Variants in AEBP2 observed in about 807,000 individuals in gnomAD.
AEBP2 encodes the protein AE binding protein 2, also known as zinc finger protein AEBP2.
AEBP2 carries 10 observed loss-of-function variants against 50.8 expected under a neutral mutation model. The observed-to-expected ratio is 0.20, with a 90% CI of 0.12 to 0.33. The LOEUF (loss-of-function observed/expected upper bound fraction) is 0.33. AEBP2 is among the 10% of genes least tolerant of loss of function. The pLI is 1.00. For missense variants in AEBP2, 570 were observed against 688.0 expected (o/e 0.83, Z 1.92); for synonymous variants, 296 against 261.3 (o/e 1.13, Z -1.28).
At chr12:19,501,440 G>A (rs540770701) in intron 5 of AEBP2, among the ~76,000 whole-genome samples, 1 of 151,888 alleles carries the variant, frequency 6.6e-6, no homozygotes, top group South Asian at 2.1e-4. Flanking sequence ...TTCAATACCA[G>A]CCTGGATAAT....
At position 19,520,730 on chromosome 12, in the gene AEBP2, G is replaced by A. The variant is rs1184546538; in HGVS notation, c.*2613G>A. ...ATGCCTGCTTTCTCCTGCAGTGGCA[G>A]AATTGAGTGGTGAGACCTTAGGTCC... On this transcript the variant is annotated 3_prime_UTR_variant, in exon 8 of 8. Coordinates refer to ENST00000266508, the MANE Select transcript of AEBP2 (RefSeq NM_153207.5). The A allele has an allele frequency of 6.6e-6, 1 of 152,130 alleles. No homozygotes were observed. Among genetic ancestry groups the A allele is most frequent in the Non-Finnish European group, 1.5e-5 (1 of 68,018 alleles). The allele number at this position is 152,130 out of a possible 1,614,324, so 9.4% of individuals were successfully genotyped here.
Position 19,473,810 on chromosome 12 carries a change from G to C in AEBP2, c.987+455G>C, listed in dbSNP as rs540607081. 5.3e-5 allele frequency among the ~76,000 whole-genome samples: 8 copies of C among 152,172 alleles called. No individual in the cohort carries two copies. The South Asian group carries it at 1.7e-3, about 32-fold the overall frequency. ...AACAACCATTTGTTTTAACATTCTT[G>C]TACACGCATTGAATTTCAAAAGTAG... On this transcript the variant is annotated intron_variant, in intron 3 of 7. Coordinates refer to ENST00000266508, the MANE Select transcript of AEBP2 (RefSeq NM_153207.5).
At chr12:19,471,736 G>T (rs1948576548) in intron 2 of AEBP2, among the ~76,000 whole-genome samples, 1 of 152,026 alleles carries the variant, frequency 6.6e-6, no homozygotes, top group South Asian at 2.1e-4. Context: ...TTGCTGTGTT[G>T]CCCAGGCTGG....
intron 5 of AEBP2, chr12:19,509,332 A>G (rs1471843440): frequency 5.0e-6 from 1 of 200,504 alleles, no homozygotes; most frequent in Non-Finnish European, 1.0e-5. Context: ...TTGGTTGGCT[A>G]AGCTAAGCCA....
intron 3 of AEBP2, among the ~76,000 whole-genome samples, chr12:19,475,000 C>T (rs1453032069): frequency 1.3e-5 from 2 of 152,144 alleles, no homozygotes; most frequent in Non-Finnish European, 2.9e-5. Context: ...ACCATGTTGG[C>T]CAGGCTGGTC....
At chr12:19,453,055 G>A (rs1218136894) in intron 1 of AEBP2, among the ~76,000 whole-genome samples, 5 of 137,772 alleles carry the variant, frequency 3.6e-5, no homozygotes, top group Admixed American at 8.3e-5. Context: ...TGCAAGCTCC[G>A]CCTCCCAGGT....
intron 1 of AEBP2, among the ~76,000 whole-genome samples, chr12:19,429,081 C>G (rs1398857750): frequency 6.6e-6 from 1 of 152,118 alleles, no homozygotes; most frequent in Non-Finnish European, 1.5e-5. Context: ...CATCTATTAA[C>G]TCGTCATTTA....
chr12:19,517,831 TG>T (rs1457917906), intron 7 of AEBP2, among the ~76,000 whole-genome samples: 1 of 152,254 alleles, frequency 6.6e-6, no homozygotes, highest in African/African-American at 2.4e-5. Flanking sequence ...AAGTATTAGT[TG>T]GCTAAAATAT....
rs754195220 is a variant in AEBP2, at chr12:19,501,797, G to GTTTTTTTTTTTTTTTTT, written c.1299+1580_1299+1596dup. On this transcript the variant is annotated intron_variant, in intron 5 of 7. Coordinates refer to ENST00000266508, the MANE Select transcript of AEBP2 (RefSeq NM_153207.5). ...CGTCGTCTCCTATAAAAATGAGTTT[G>GTTTTTTTTTTTTTTTTT]TTTTTTTTTTTTTTTTTTTTGCATT... Among the ~76,000 whole-genome samples, 41 of 70,868 alleles carry GTTTTTTTTTTTTTTTTT rather than the reference G, an allele frequency of 5.8e-4. 2 individuals are homozygous for GTTTTTTTTTTTTTTTTT. Among genetic ancestry groups the GTTTTTTTTTTTTTTTTT allele is most frequent in the Non-Finnish European group, 7.5e-4 (28 of 37,164 alleles). 46.5% of individuals were successfully genotyped at this position (70,868 alleles called of 152,430 possible).
At chr12:19,487,134 T>C (rs911531568) in intron 3 of AEBP2, among the ~76,000 whole-genome samples, 1 of 152,172 alleles carries the variant, frequency 6.6e-6, no homozygotes, top group African/African-American at 2.4e-5. Flanking sequence ...TCTTTTATTA[T>C]TGAGTTAATA....
Position 19,518,602 on chromosome 12 carries a change from AT to A in AEBP2, c.*487del, listed in dbSNP as rs1349794242. 1 of 1,400,428 alleles carries A rather than the reference AT, an allele frequency of 7.1e-7. No individual in the cohort carries two copies. Among genetic ancestry groups the A allele is most frequent in the Non-Finnish European group, 9.5e-7 (1 of 1,053,352 alleles). 86.8% of individuals were successfully genotyped at this position (1,400,428 alleles called of 1,614,324 possible). On this transcript the variant is annotated 3_prime_UTR_variant, in exon 8 of 8. Coordinates refer to ENST00000266508, the MANE Select transcript of AEBP2 (RefSeq NM_153207.5). Reference sequence around the variant, plus strand: ...ATTAGGAAATATTTAGACAATGAAAATTATCAAGAGATAATTTACCTTTCAA... The same window carrying A: ...ATTAGGAAATATTTAGACAATGAAAATATCAAGAGATAATTTACCTTTCAA...
intron 1 of AEBP2, among the ~76,000 whole-genome samples, chr12:19,441,676 C>T (rs1455184429): frequency 6.6e-6 from 1 of 152,076 alleles, no homozygotes; most frequent in African/African-American, 2.4e-5. Flanking sequence ...AAAATATCTT[C>T]GGGTAAAGTA....
intron 1 of AEBP2, among the ~76,000 whole-genome samples, chr12:19,454,370 C>A (rs542905212): frequency 1.1e-4 from 17 of 152,266 alleles, no homozygotes; most frequent in Admixed American, 3.3e-4. Context: ...CACACACACA[C>A]ACTTGGCTAG....
chr12:19,426,547 G>T (rs2095748647), intron 1 of AEBP2, among the ~76,000 whole-genome samples: 1 of 152,180 alleles, frequency 6.6e-6, no homozygotes, highest in Admixed American at 6.6e-5. Flanking sequence ...AAGAAGAGAG[G>T]TGTGATGGTT....
intron 1 of AEBP2, among the ~76,000 whole-genome samples, chr12:19,429,116 A>G (rs1555179951): frequency 6.6e-6 from 1 of 152,102 alleles, no homozygotes; most frequent in Non-Finnish European, 1.5e-5. Flanking sequence ...TCCGAATGCT[A>G]TCCCTCCCCA....
chr12:19,467,507 T>C (rs11044578), intron 2 of AEBP2, among the ~76,000 whole-genome samples: 3,230 of 151,970 alleles, frequency 0.021, 42 homozygotes, highest in East Asian at 0.043. Flanking sequence ...TTGGCCCGCC[T>C]AGTCTCGAAC....
chr12:19,486,182 A>G (rs1348300431), intron 3 of AEBP2, among the ~76,000 whole-genome samples: 2 of 151,934 alleles, frequency 1.3e-5, no homozygotes, highest in South Asian at 2.1e-4. Context: ...AATTTCTTTC[A>G]TACTTACTTT....
intron 3 of AEBP2, among the ~76,000 whole-genome samples, chr12:19,484,779 G>C (rs929244973): frequency 6.6e-6 from 1 of 151,604 alleles, no homozygotes; most frequent in Non-Finnish European, 1.5e-5. Context: ...TTTTAAGTAA[G>C]TGGTCTCTGA....
chr12:19,517,956 G>A, intron 7 of AEBP2, 131 bp from the exon 8 acceptor site: 1 of 844,334 alleles, frequency 1.2e-6, no homozygotes, highest in Non-Finnish European at 1.7e-6. Flanking sequence ...TAAATGTTTT[G>A]GAAATACATT....
Sources: allele counts gnomAD v4.1 joint callset (sites outside exome capture counted in the v4.1 genomes callset), GRCh38; gene constraint gnomAD v4.1.1; transcripts MANE v1.5; gene names NCBI Gene and HGNC (gene_info 2026-07-23, HGNC 2026-07-21).